Variants in MARCHF9 observed in about 807,000 individuals in gnomAD.
MARCHF9 encodes the protein membrane associated ring-CH-type finger 9, also known as E3 ubiquitin-protein ligase MARCHF9.
Under a neutral mutation model 35.2 loss-of-function variants are expected in MARCHF9, and 17 were observed. That is an observed-to-expected ratio of 0.48 (90% confidence interval 0.33 to 0.72). The LOEUF (loss-of-function observed/expected upper bound fraction) is 0.72, where lower values mean the gene tolerates loss of function less well. Ranked by LOEUF, MARCHF9 falls within the 30% of genes least tolerant of loss-of-function variation. MARCHF9 has a pLI of 0.02. For missense variants in MARCHF9, 386 were observed against 478.2 expected (o/e 0.81, Z 1.80); for synonymous variants, 183 against 207.4 (o/e 0.88, Z 1.01).
At position 57,758,119 on chromosome 12, in the gene MARCHF9, C is replaced by G; in HGVS notation, c.525C>G (p.Ile175Met). The G allele has an allele frequency of 6.2e-7, 1 of 1,614,180 alleles. No homozygotes were observed. The highest frequency in any genetic ancestry group is 2.2e-5 in the East Asian group (1 of 44,884). ...TTTCTCCCACACAGTGGCAGGCCAT[C>G]TCCCTGACGGTCATCGAGAAGGTCC... Reference protein sequence around the residue: ...STKNPLQWQAISLTVIEKVQI... With the variant: ...STKNPLQWQAMSLTVIEKVQI... Residue 175 changes from isoleucine (I) to methionine (M), a missense_variant, in exon 3 of 4, where the codon ATC (isoleucine) becomes ATG (methionine). Physicochemically the swap from Ile to Met is conservative, Grantham distance 10. Transcript: ENST00000266643. The surrounding 1 kb of genome is among the most constrained non-coding windows in gnomAD (Gnocchi z 5.4).
In MARCHF9 at chr12:57,757,014, G is replaced by T; in HGVS notation, c.443G>T (p.Gly148Val). ...CTCATCCGCTGGATCAGCGAGAGGG[G>T]CTCCTGGAGCTGTGAGCTCTGCTAC... ...PCLIRWISER[G>V]SWSCELCYFK... Residue 148 changes from glycine (G) to valine (V), a missense_variant, in exon 2 of 4, where the codon GGC (glycine) becomes GTC (valine). By Grantham distance (109) the Gly-to-Val change is moderately radical. Coordinates refer to ENST00000266643, the MANE Select transcript of MARCHF9 (RefSeq NM_138396.6). 6.3e-7 allele frequency: 1 copy of T among 1,574,884 alleles called. No individual in the cohort carries two copies. Among genetic ancestry groups the T allele is most frequent in the South Asian group, 1.2e-5 (1 of 86,202 alleles).
rs1955291587 is a variant in MARCHF9 at position 57,756,997 on chromosome 12, C to T, written c.426C>T (p.Arg142=). ...VRCTHQPCLI[R]WISERGSWSC... ...GCACGCATCAGCCCTGCCTCATCCG[C>T]TGGATCAGCGAGAGGGGCTCCTGGA... Residue 142 remains arginine, a synonymous_variant, in exon 2 of 4, where the codon CGC becomes CGT. Transcript: ENST00000266643. The T allele has an allele frequency of 6.3e-7, 1 of 1,596,168 alleles. No homozygotes were observed. Among genetic ancestry groups the T allele is most frequent in the Non-Finnish European group, 8.5e-7 (1 of 1,171,116 alleles).
At chr12:57,756,847 G>A in intron 1 of MARCHF9, 82 bp from the exon 2 acceptor site, 2 of 1,356,866 alleles carry the variant, frequency 1.5e-6, no homozygotes, top group Non-Finnish European at 1.9e-6. Context: ...GACCTGAAGA[G>A]GAGGTTTCCC....
At position 57,756,205 on chromosome 12, in the gene MARCHF9, G is replaced by A. The variant is rs899825046; in HGVS notation, c.357+320G>A. ...GCTAAGGGGACCTGTTCTCTTGCAG[G>A]TGGGCAGAAAGGAGAGTGCTTCTGT... On this transcript the variant is annotated intron_variant, in intron 1 of 3. Coordinates refer to ENST00000266643, the MANE Select transcript of MARCHF9 (RefSeq NM_138396.6). Among the ~76,000 whole-genome samples, 4 of 152,162 alleles carry A rather than the reference G, an allele frequency of 2.6e-5. 1 individual carries two copies. Among genetic ancestry groups the A allele is most frequent in the Admixed American group, 1.3e-4 (2 of 15,286 alleles).
chr12:57,758,848 C>A lies in MARCHF9; in HGVS notation c.992C>A (p.Ser331Tyr). 1 of 1,609,506 alleles carries A rather than the reference C, an allele frequency of 6.2e-7. No homozygotes were observed. The highest frequency in any genetic ancestry group is 8.5e-7 in the Non-Finnish European group (1 of 1,177,416). The change falls in exon 4 of 4, where the codon TCC (serine) becomes TAC (tyrosine). Residue 331 changes from serine to tyrosine, a missense_variant. By Grantham distance (144) the Ser-to-Tyr change is moderately radical. This residue lies in a region of MARCHF9 where 111 missense variants were observed against 112.4 expected (regional missense o/e 0.99). Coordinates refer to ENST00000266643, the MANE Select transcript of MARCHF9 (RefSeq NM_138396.6). This position sits in a 1 kb window ranked among gnomAD's most constrained non-coding sequence, Gnocchi z 5.4. ...LGQLRPPDAR[S>Y]SSHSGREVVM... ...CAGCTGCGGCCACCAGATGCCCGTT[C>A]CAGCTCCCATTCTGGCCGAGAGGTT...
Position 57,758,812 on chromosome 12 carries a change from A to G in MARCHF9, c.956A>G (p.His319Arg). 6.2e-7 allele frequency: 1 copy of G among 1,612,668 alleles called. No homozygotes were observed. The highest frequency in any genetic ancestry group is 8.5e-7 in the Non-Finnish European group (1 of 1,179,684). The change falls in exon 4 of 4, where the codon CAC becomes CGC. Residue 319 changes from histidine (H) to arginine (R), a missense_variant. Transcript: ENST00000266643. The surrounding 1 kb of genome is among the most constrained non-coding windows in gnomAD (Gnocchi z 5.4). ...CAGCGCTGCGGTTATACAATCTTGC[A>G]CCTCCTTGGGCAGCTGCGGCCACCA... ...LPQRCGYTIL[H>R]LLGQLRPPDA...
rs1456210849 is a variant in MARCHF9, at chr12:57,758,478, T to G, written c.707-85T>G. The G allele has an allele frequency of 2.1e-6, 3 of 1,429,200 alleles. No individual in the cohort carries two copies. The African/African-American group carries it at 4.3e-5, about 20-fold the overall frequency. The allele number at this position is 1,429,200 out of a possible 1,614,324, so 88.5% of individuals were successfully genotyped here. A position where few individuals can be genotyped will look rare whatever the true frequency, so the allele number is the denominator to read the frequency against. On this transcript the variant is annotated intron_variant, in intron 3 of 3. Transcript: ENST00000266643. The surrounding 1 kb of genome is among the most constrained non-coding windows in gnomAD (Gnocchi z 5.4). ...CAGGGCCCTTTGCAACTGTATCTTCTCACTCTGAAGAAATGCTTGCTTAAG... is the reference window on the plus strand; with the variant it reads ...CAGGGCCCTTTGCAACTGTATCTTCGCACTCTGAAGAAATGCTTGCTTAAG...
At chr12:57,757,356 G>C in intron 2 of MARCHF9, 4 of 293,024 alleles carry the variant, frequency 1.4e-5, no homozygotes, top group African/African-American at 2.2e-5. Context: ...AAAAAAGAAA[G>C]AAAAGAAAAA....
chr12:57,758,520 C>G lies in MARCHF9; in HGVS notation c.707-43C>G. 6.5e-7 allele frequency: 1 copy of G among 1,538,292 alleles called. No homozygotes were observed. Among genetic ancestry groups the G allele is most frequent in the Non-Finnish European group, 8.8e-7 (1 of 1,139,606 alleles). ...TTGCTTAAGTACCTCTGGCCTAGAT[C>G]TAGGCCACAGTTAACCCTGGATTTC... is the stretch of plus-strand genomic sequence containing the variant. On this transcript the variant is annotated intron_variant, in intron 3 of 3. Transcript: ENST00000266643. This position sits in a 1 kb window ranked among gnomAD's most constrained non-coding sequence, Gnocchi z 5.4.
chr12:57,758,611 G>A lies in MARCHF9; in HGVS notation c.755G>A (p.Trp252Ter). ...GSSVYRIFKR[W>*]QAVNQQWKVL... ...TCTGTCTACCGCATCTTCAAGCGCT[G>A]GCAGGCAGTGAACCAGCAGTGGAAG... The change falls in exon 4 of 4, where the codon TGG (tryptophan) becomes TAG (stop). Residue 252 changes from tryptophan (W) to a stop codon, truncating the protein, a stop_gained. Transcript: ENST00000266643. LOFTEE classifies it high-confidence loss of function. The surrounding 1 kb of genome is among the most constrained non-coding windows in gnomAD (Gnocchi z 5.4). The A allele has an allele frequency of 6.2e-7, 1 of 1,613,918 alleles. No individual in the cohort carries two copies. Among genetic ancestry groups the A allele is most frequent in the Non-Finnish European group, 8.5e-7 (1 of 1,179,862 alleles).
At position 57,755,624 on chromosome 12, in the gene MARCHF9, G is replaced by GGGCCGGGGA; in HGVS notation, c.100_108dup (p.Arg34_Gly36dup). 7.5e-7 allele frequency: 1 copy of GGGCCGGGGA among 1,332,906 alleles called. No homozygotes were observed. Among genetic ancestry groups the GGGCCGGGGA allele is most frequent in the Non-Finnish European group, 9.6e-7 (1 of 1,046,398 alleles). The allele number at this position is 1,332,906 out of a possible 1,614,324, so 82.6% of individuals were successfully genotyped here. A position where few individuals can be genotyped will look rare whatever the true frequency, so the allele number is the denominator to read the frequency against. On this transcript the variant is annotated inframe_insertion, in exon 1 of 4. Coordinates refer to ENST00000266643, the MANE Select transcript of MARCHF9 (RefSeq NM_138396.6). ...CCCGGGCCGAGCCGCAACCCCGGGGGGGCCGGGGAGGCGGCTGCGGCTGGG... is the reference window on the plus strand; with the variant it reads ...CCCGGGCCGAGCCGCAACCCCGGGGGGGCCGGGGAGGCCGGGGAGGCGGCTGCGGCTGGG...
chr12:57,755,727 G>T lies in MARCHF9; in HGVS notation c.199G>T (p.Gly67Cys). 8.2e-7 allele frequency: 1 copy of T among 1,219,766 alleles called. No individual in the cohort carries two copies. The highest frequency in any genetic ancestry group is 1.0e-6 in the Non-Finnish European group (1 of 982,870). The allele number at this position is 1,219,766 out of a possible 1,614,324, so 75.6% of individuals were successfully genotyped here. ...EYYGSEPRAR[G>C]LAGDKEPRAG... ...CTACGGGTCGGAGCCGCGGGCCCGG[G>T]GCCTGGCCGGCGACAAGGAGCCGCG... is the stretch of plus-strand genomic sequence containing the variant. Residue 67 changes from glycine to cysteine, a missense_variant, in exon 1 of 4, where the codon GGC becomes TGC. Gly to Cys is a radical substitution (Grantham distance 159). Coordinates refer to ENST00000266643, the MANE Select transcript of MARCHF9 (RefSeq NM_138396.6).
intron 2 of MARCHF9, chr12:57,757,696 C>A: frequency 6.4e-6 from 3 of 465,482 alleles, no homozygotes; most frequent in Non-Finnish European, 7.6e-6. Flanking sequence ...ATGATGATAG[C>A]AAATATGTAG....
At chr12:57,755,983 C>A in intron 1 of MARCHF9, 98 bp downstream of exon 1, 2 of 874,782 alleles carry the variant, frequency 2.3e-6, no homozygotes, top group African/African-American at 1.8e-5. Context: ...GGAGGCTGGG[C>A]GGGCCCCAGG....
At chr12:57,756,036 A>G (rs1595114074) in intron 1 of MARCHF9, 151 bp downstream of exon 1, 1 of 465,034 alleles carries the variant, frequency 2.2e-6, no homozygotes, top group Non-Finnish European at 3.4e-6. Context: ...CTGGCAGGGG[A>G]CTCCTGGAGC....
In MARCHF9 at chr12:57,755,702, C is replaced by T. The variant is rs1200284562; in HGVS notation, c.174C>T (p.Tyr58=). 7 of 1,256,114 alleles carry T rather than the reference C, an allele frequency of 5.6e-6. No individual in the cohort carries two copies. Among genetic ancestry groups the T allele is most frequent in the Admixed American group, 4.3e-5 (1 of 23,246 alleles). 77.8% of individuals were successfully genotyped at this position (1,256,114 alleles called of 1,614,324 possible). A position where few individuals can be genotyped will look rare whatever the true frequency, so the allele number is the denominator to read the frequency against. ...ACGGCGACGGCGACGAGGAGGAGTA[C>T]TACGGGTCGGAGCCGCGGGCCCGGG... is the stretch of plus-strand genomic sequence containing the variant. The part of the protein sequence containing the change: ...TRDGDGDEEE[Y]YGSEPRARGL... The change falls in exon 1 of 4, where the codon TAC becomes TAT. Residue 58 remains tyrosine (Y), a synonymous_variant. Transcript: ENST00000266643.
At position 57,758,280 on chromosome 12, in the gene MARCHF9, T is replaced by C. The variant is rs1252298017; in HGVS notation, c.686T>C (p.Phe229Ser). ...LFQICYGMYG[F>S]MDVVCIGLII... ...CAGATCTGCTACGGCATGTATGGCT[T>C]CATGGATGTCGTCTGCATAGGTGAG... Residue 229 changes from phenylalanine to serine, a missense_variant, in exon 3 of 4, where the codon TTC (phenylalanine) becomes TCC (serine). By Grantham distance (155) the Phe-to-Ser change is radical. This residue lies in a region of MARCHF9 where 219 missense variants were observed against 316.2 expected (regional missense o/e 0.69). Coordinates refer to ENST00000266643, the MANE Select transcript of MARCHF9 (RefSeq NM_138396.6). The surrounding 1 kb of genome is among the most constrained non-coding windows in gnomAD (Gnocchi z 5.4). 6.2e-7 allele frequency: 1 copy of C among 1,611,256 alleles called. No individual in the cohort carries two copies. Among genetic ancestry groups the C allele is most frequent in the African/African-American group, 1.3e-5 (1 of 75,012 alleles).
chr12:57,755,949 A>G (rs1955284389), intron 1 of MARCHF9, 64 bp downstream of exon 1: 2 of 1,262,370 alleles, frequency 1.6e-6, no homozygotes, highest in Non-Finnish European at 2.1e-6. Flanking sequence ...GTCAGCGGAG[A>G]CCGCGAGCAG....
At chr12:57,756,237 C>T (rs1417238224) in intron 1 of MARCHF9, among the ~76,000 whole-genome samples, 3 of 152,180 alleles carry the variant, frequency 2.0e-5, no homozygotes, top group Non-Finnish European at 4.4e-5. Flanking sequence ...CTGTGCCCCC[C>T]TTGAAGGGAG....
Sources: allele counts gnomAD v4.1 joint callset (sites outside exome capture counted in the v4.1 genomes callset), GRCh38; gene constraint gnomAD v4.1.1; regional missense constraint gnomAD v4.1.1; non-coding constraint Gnocchi (gnomAD v3.1); transcripts MANE v1.5; gene names NCBI Gene and HGNC (gene_info 2026-07-23, HGNC 2026-07-21).